ALDH3A2: variants seen among roughly 807,000 people sequenced by gnomAD.
ALDH3A2 encodes aldehyde dehydrogenase family 3 member A2.
In ALDH3A2, 36 loss-of-function variants were observed where a neutral mutation model predicts 51.3. The ratio of observed to expected loss-of-function variants is 0.70; its 90% CI spans 0.54 to 0.93. ALDH3A2 has a LOEUF of 0.93. Among genes scored for constraint, ALDH3A2 ranks in the 40% least tolerant of loss-of-function variants. ALDH3A2 has a pLI of 0.00. For missense variants in ALDH3A2, 552 were observed against 603.1 expected, an observed-to-expected ratio of 0.92 and a Z score of 0.89; for synonymous variants, 199 against 219.8, an observed-to-expected ratio of 0.91 and a Z score of 0.84.
In ALDH3A2 at chr17:19,660,747, G is replaced by C. The variant is rs1427241649; in HGVS notation, c.799-380G>C. Among the ~76,000 whole-genome samples the C allele has an allele frequency of 5.9e-5, 9 of 152,280 alleles. No homozygotes were observed. The East Asian group carries it at 1.4e-3, about 23-fold the overall frequency. ...GCTGTAACTACCGAACTTACTGTAG[G>C]GGGAAAGCAGGCACAGCCAATGTGC... is the stretch of plus-strand genomic sequence containing the variant. On this transcript the variant is annotated intron_variant, in intron 5 of 9. Transcript: ENST00000176643.
Position 19,670,754 on chromosome 17 carries a change from G to T in ALDH3A2, c.1208-967G>T, listed in dbSNP as rs1053502772. 1.4e-4 allele frequency among the ~76,000 whole-genome samples: 21 copies of T among 152,282 alleles called. No individual in the cohort carries two copies. In the East Asian group the frequency reaches 3.9e-3, roughly 28 times the overall value. On this transcript the variant is annotated intron_variant, in intron 8 of 9. Coordinates refer to ENST00000176643, the MANE Select transcript of ALDH3A2 (RefSeq NM_000382.3). ...ATTTTTGTATTTTTAGTAGAGACGG[G>T]ATTTAACGATGTTGGCCAGGATGGT...
At chr17:19,672,680 T>A (rs1483510072) in intron 9 of ALDH3A2, among the ~76,000 whole-genome samples, 1 of 152,118 alleles carries the variant, frequency 6.6e-6, no homozygotes, top group Non-Finnish European at 1.5e-5. Flanking sequence ...ACATTGAAAA[T>A]ATTGACCATA....
In ALDH3A2 at chr17:19,651,566, G is replaced by C; in HGVS notation, c.173G>C (p.Ser58Thr). 1 of 1,613,846 alleles carries C rather than the reference G, an allele frequency of 6.2e-7. No homozygotes were observed. The highest frequency in any genetic ancestry group is 1.1e-5 in the South Asian group (1 of 91,076). The change falls in exon 2 of 10, where the codon AGT becomes ACT. Residue 58 changes from serine to threonine, a missense_variant. Transcript: ENST00000176643. Reference protein sequence around the residue: ...DLCKSEFNVYSQEVITVLGEI... With the variant: ...DLCKSEFNVYTQEVITVLGEI... ...TAACAGAGTGAATTCAATGTGTACAGTCAGGAAGTCATTACTGTCCTTGGG... is the reference window on the plus strand; with the variant it reads ...TAACAGAGTGAATTCAATGTGTACACTCAGGAAGTCATTACTGTCCTTGGG...
chr17:19,664,528 CTAAA>C, intron 7 of ALDH3A2, among the ~76,000 whole-genome samples: 1 of 152,280 alleles, frequency 6.6e-6, no homozygotes, highest in South Asian at 2.1e-4. Flanking sequence ...TTCATAAAGA[CTAAA>C]TAATACCTAT....
chr17:19,663,633 TA>T, intron 7 of ALDH3A2, 134 bp downstream of exon 7: 1 of 1,077,736 alleles, frequency 9.3e-7, no homozygotes, highest in Non-Finnish European at 1.3e-6. Context: ...GTCCATCCAC[TA>T]AGTGAGGTTG....
intron 8 of ALDH3A2, among the ~76,000 whole-genome samples, chr17:19,669,901 A>G (rs1045761784): frequency 2.0e-5 from 3 of 152,094 alleles, no homozygotes; most frequent in Admixed American, 6.6e-5. Context: ...CAGCCTCCCA[A>G]CGTGCTGGGA....
At position 19,654,332 on chromosome 17, in the gene ALDH3A2, G is replaced by A. The variant is rs183582087; in HGVS notation, c.471+1700G>A. Reference sequence around the variant, plus strand: ...CGCCTGCACCCCTCAGCCCTTGGGCGGTCGATGGGACTGGGCGCTGTGGAG... The same window carrying A: ...CGCCTGCACCCCTCAGCCCTTGGGCAGTCGATGGGACTGGGCGCTGTGGAG... On this transcript the variant is annotated intron_variant, in intron 3 of 9. Coordinates refer to ENST00000176643, the MANE Select transcript of ALDH3A2 (RefSeq NM_000382.3). This position sits in a 1 kb window ranked among gnomAD's most constrained non-coding sequence, Gnocchi z 4.5. 4.6e-3 allele frequency among the ~76,000 whole-genome samples: 696 copies of A among 152,382 alleles called. 8 individuals carry two copies. The highest frequency in any genetic ancestry group is 7.3e-3 in the Non-Finnish European group (495 of 68,032).
At chr17:19,648,699 G>T, upstream of ALDH3A2, 1 of 525,238 alleles carries the variant, frequency 1.9e-6, no homozygotes, top group South Asian at 2.2e-5. Flanking sequence ...GTGAACAGCG[G>T]CTGTCACGTG....
chr17:19,675,068 C>A (rs1261962985), intron 9 of ALDH3A2: 1 of 157,030 alleles, frequency 6.4e-6, no homozygotes, highest in African/African-American at 2.4e-5. Flanking sequence ...TGATAAATTT[C>A]ATTAGGCCTT....
rs200164904 is a variant in ALDH3A2, at chr17:19,673,362, G to T, written c.1443+1406G>T. On this transcript the variant is annotated intron_variant, in intron 9 of 9. Coordinates refer to ENST00000176643, the MANE Select transcript of ALDH3A2 (RefSeq NM_000382.3). ...GGTTTTTTGGTTTGTTTTTGTTTTT[G>T]TTTTTGTTTTTGTTTTTATTTTTGT... 4.4e-5 allele frequency: 63 copies of T among 1,422,532 alleles called. 1 individual carries two copies. Among genetic ancestry groups the T allele is most frequent in the African/African-American group, 2.8e-4 (18 of 65,344 alleles). 88.1% of individuals were successfully genotyped at this position (1,422,532 alleles called of 1,614,324 possible).
chr17:19,665,198 G>A, intron 8 of ALDH3A2, 151 bp downstream of exon 8: 1 of 734,364 alleles, frequency 1.4e-6, no homozygotes, highest in Non-Finnish European at 2.4e-6. Context: ...CAGTTGACTG[G>A]TTTTCCTGCT....
intron 8 of ALDH3A2, among the ~76,000 whole-genome samples, chr17:19,670,065 A>G (rs953120866): frequency 1.3e-5 from 2 of 152,224 alleles, no homozygotes; most frequent in African/African-American, 4.8e-5. Flanking sequence ...ACACAGTACT[A>G]TTTCAATACC....
chr17:19,659,386 A>C (rs967948791), intron 5 of ALDH3A2, among the ~76,000 whole-genome samples: 2 of 152,074 alleles, frequency 1.3e-5, no homozygotes, highest in Non-Finnish European at 2.9e-5. Flanking sequence ...AAAGAAAAAA[A>C]GGTTAGCTGG....
rs979219590 is a variant in ALDH3A2 at position 19,675,652 on chromosome 17, A to G, written c.*80A>G. 1 of 1,417,788 alleles carries G rather than the reference A, an allele frequency of 7.1e-7. No individual in the cohort carries two copies. The allele number at this position is 1,417,788 out of a possible 1,614,324, so 87.8% of individuals were successfully genotyped here. A position where few individuals can be genotyped will look rare whatever the true frequency, so the allele number is the denominator to read the frequency against. On this transcript the variant is annotated 3_prime_UTR_variant, in exon 10 of 10. Transcript: ENST00000176643. ...TGGTTAATGAACCAATAATTTTTAA[A>G]TCATACCAAAAATAGTAAGAAAATA... is the stretch of plus-strand genomic sequence containing the variant.
At chr17:19,655,631 A>C (rs1408924708) in intron 3 of ALDH3A2, among the ~76,000 whole-genome samples, 1 of 152,230 alleles carries the variant, frequency 6.6e-6, no homozygotes. Flanking sequence ...TTTACTTCAC[A>C]CTTCCACCTT....
At position 19,648,918 on chromosome 17, in the gene ALDH3A2, C is replaced by G; in HGVS notation, c.-54C>G. 1.9e-6 allele frequency: 3 copies of G among 1,539,440 alleles called. No homozygotes were observed. The highest frequency in any genetic ancestry group is 2.6e-6 in the Non-Finnish European group (3 of 1,141,520). On this transcript the variant is annotated 5_prime_UTR_variant, in exon 1 of 10. Coordinates refer to ENST00000176643, the MANE Select transcript of ALDH3A2 (RefSeq NM_000382.3). ...GCGAGGCCTGCACCTGCATGCTTCC[C>G]GCCTCCCACTCCCCAGCGCCCCCGG...
intron 1 of ALDH3A2, 165 bp downstream of exon 1, chr17:19,649,289 C>G: frequency 1.1e-6 from 1 of 941,044 alleles, no homozygotes; most frequent in East Asian, 2.7e-5. Context: ...GCAGACTTTC[C>G]CGGTCCTCTA....
chr17:19,667,749 C>T (rs536451612), intron 8 of ALDH3A2, among the ~76,000 whole-genome samples: 11 of 152,040 alleles, frequency 7.2e-5, no homozygotes, highest in African/African-American at 1.7e-4. Flanking sequence ...AGTAGAGACA[C>T]GGTTTTGCCA....
intron 9 of ALDH3A2, among the ~76,000 whole-genome samples, chr17:19,672,820 A>C (rs2085135831): frequency 6.6e-6 from 1 of 152,088 alleles, no homozygotes; most frequent in Admixed American, 6.6e-5. Context: ...AGGCAGGGGA[A>C]TCACGAGGTC....
Sources: gnomAD v4.1 joint callset for allele counts (sites outside exome capture counted in the v4.1 genomes callset) on GRCh38, gnomAD v4.1.1 for gene constraint, Gnocchi (gnomAD v3.1) non-coding constraint, MANE v1.5 for transcripts, NCBI Gene and HGNC (gene_info 2026-07-23, HGNC 2026-07-21) for gene names.